Variants in ARID2 observed in about 807,000 individuals in gnomAD.
ARID2 encodes AT-rich interaction domain 2, also known as AT-rich interactive domain-containing protein 2.
In ARID2, 32 loss-of-function variants were observed where a neutral mutation model predicts 184.6. That is an observed-to-expected ratio of 0.17 (90% CI 0.13 to 0.23). The LOEUF is 0.23. ARID2 is among the 10% of genes least tolerant of loss of function. The probability of loss-of-function intolerance (pLI) is 1.00; values close to 1 mark genes in which losing one functional copy is unlikely to be tolerated. For synonymous variants in ARID2, 836 were observed against 772.6 expected (o/e 1.08, Z -1.36); for missense variants, 1,696 against 2,197.6 (o/e 0.77, Z 4.56).
At chr12:45,892,580 A>AT (rs1401097328) in intron 18 of ARID2, among the ~76,000 whole-genome samples, 1 of 152,190 alleles carries the variant, frequency 6.6e-6, no homozygotes, top group African/African-American at 2.4e-5. Context: ...GCTTAAAATA[A>AT]TTTAATATTC....
chr12:45,748,420 A>G (rs964329878), intron 3 of ARID2, among the ~76,000 whole-genome samples: 4 of 152,176 alleles, frequency 2.6e-5, no homozygotes, highest in African/African-American at 4.8e-5. Flanking sequence ...AAAATACTTT[A>G]TTGCTGAAAA....
intron 3 of ARID2, among the ~76,000 whole-genome samples, chr12:45,799,787 A>G (rs965537417): frequency 6.6e-6 from 1 of 152,230 alleles, no homozygotes; most frequent in African/African-American, 2.4e-5. Context: ...GAAAGAACAA[A>G]GCAACACATT....
At chr12:45,809,244 G>T (rs1029283938) in intron 3 of ARID2, among the ~76,000 whole-genome samples, 1 of 152,124 alleles carries the variant, frequency 6.6e-6, no homozygotes, top group Non-Finnish European at 1.5e-5. Flanking sequence ...AATTCTAAAA[G>T]ATTGTACTAT....
chr12:45,763,223 C>A (rs1385026406), intron 3 of ARID2, among the ~76,000 whole-genome samples: 1 of 152,188 alleles, frequency 6.6e-6, no homozygotes, highest in Non-Finnish European at 1.5e-5. Flanking sequence ...GTAATCCCAG[C>A]ACTTTGGGAG....
chr12:45,828,686 G>A lies in ARID2; in HGVS notation c.705+7199G>A, dbSNP rs188740890. Among the ~76,000 whole-genome samples, 265 of 151,994 alleles carry A rather than the reference G, an allele frequency of 1.7e-3. 2 individuals carry two copies. Among genetic ancestry groups the A allele is most frequent in the African/African-American group, 6.0e-3 (248 of 41,508 alleles). Reference sequence around the variant, plus strand: ...TGAGTGTGCATTGTTACTGTAGCTTGGTTTTAATTTACATTTTTTCTTGTT... The same window carrying A: ...TGAGTGTGCATTGTTACTGTAGCTTAGTTTTAATTTACATTTTTTCTTGTT... On this transcript the variant is annotated intron_variant, in intron 6 of 20. Transcript: ENST00000334344.
intron 3 of ARID2, among the ~76,000 whole-genome samples, chr12:45,778,945 A>C (rs1250259752): frequency 2.6e-5 from 4 of 152,026 alleles, no homozygotes; most frequent in Non-Finnish European, 4.4e-5. Context: ...TTAAAAAATA[A>C]ATTTTTAAAA....
Position 45,888,845 on chromosome 12 carries a change from T to C in ARID2, c.4923-2935T>C, listed in dbSNP as rs1944241365. On this transcript the variant is annotated intron_variant, in intron 16 of 20. Coordinates refer to ENST00000334344, the MANE Select transcript of ARID2 (RefSeq NM_152641.4). Reference sequence around the variant, plus strand: ...ATATGTGGTATATTTATTACAACAATTTTTCAGCACAAGGCAATAAAGTAT... The same window carrying C: ...ATATGTGGTATATTTATTACAACAACTTTTCAGCACAAGGCAATAAAGTAT... Among the ~76,000 whole-genome samples the C allele has an allele frequency of 2.0e-5, 3 of 152,160 alleles. No individual in the cohort carries two copies. In the South Asian group the frequency reaches 6.2e-4, roughly 32 times the overall value.
chr12:45,861,675 C>T (rs938345714), intron 16 of ARID2, among the ~76,000 whole-genome samples: 1 of 151,060 alleles, frequency 6.6e-6, no homozygotes, highest in Non-Finnish European at 1.5e-5. Flanking sequence ...ACCTCCACCT[C>T]CTAGGTTCAA....
intron 20 of ARID2, among the ~76,000 whole-genome samples, chr12:45,894,945 G>A (rs1293633714): frequency 6.6e-6 from 1 of 152,010 alleles, no homozygotes; most frequent in Non-Finnish European, 1.5e-5. Context: ...TTGTTCCAAT[G>A]CTCATACTAT....
intron 3 of ARID2, among the ~76,000 whole-genome samples, chr12:45,796,444 A>G (rs181471136): frequency 8.1e-4 from 124 of 152,294 alleles, no homozygotes; most frequent in African/African-American, 2.9e-3. Context: ...CTTTGAAACT[A>G]TATGTCATCT....
intron 3 of ARID2, among the ~76,000 whole-genome samples, chr12:45,770,943 G>A (rs1218310037): frequency 2.6e-5 from 4 of 151,982 alleles, no homozygotes; most frequent in Non-Finnish European, 5.9e-5. Flanking sequence ...TTTCACCAGG[G>A]AACCATCCCT....
intron 3 of ARID2, among the ~76,000 whole-genome samples, chr12:45,745,912 A>C (rs759766159): frequency 6.6e-6 from 1 of 152,134 alleles, no homozygotes. Context: ...TTTTACTGCA[A>C]ATATTCTTTA....
At chr12:45,884,570 T>C (rs1310791061) in intron 16 of ARID2, among the ~76,000 whole-genome samples, 2 of 152,202 alleles carry the variant, frequency 1.3e-5, no homozygotes, top group Non-Finnish European at 2.9e-5. Context: ...CTTTTATATT[T>C]TACTATGTAA....
intron 3 of ARID2, among the ~76,000 whole-genome samples, chr12:45,767,807 T>C (rs894210841): frequency 6.6e-6 from 1 of 152,188 alleles, no homozygotes; most frequent in Middle Eastern, 3.2e-3. Flanking sequence ...CTGGTAGTTA[T>C]CTCTGATTGT....
At chr12:45,739,498 G>A (rs1941206776) in intron 3 of ARID2, among the ~76,000 whole-genome samples, 1 of 133,580 alleles carries the variant, frequency 7.5e-6, no homozygotes, top group Non-Finnish European at 1.5e-5. Flanking sequence ...AGGCTGGAGT[G>A]CAGAAAGTTA....
In ARID2 at chr12:45,904,993, C is replaced by G. The variant is rs1592151545; in HGVS notation, c.5423C>G (p.Ser1808Cys). The part of the protein sequence containing the change: ...SVLAISNMEA[S>C]STLAKCLYEL... Reference sequence around the variant, plus strand: ...CTAGCCATTAGTAACATGGAAGCTTCCTCCACCCTTGCCAAATGCCTTTAT... The same window carrying G: ...CTAGCCATTAGTAACATGGAAGCTTGCTCCACCCTTGCCAAATGCCTTTAT... The change falls in exon 21 of 21, where the codon TCC becomes TGC. Residue 1808 changes from serine (S) to cysteine (C), a missense_variant. By Grantham distance (112) the Ser-to-Cys change is moderately radical. Around this residue, in one of 11 missense-constraint regions of ARID2, gnomAD observed 69 missense variants for 118.2 expected, o/e 0.58. Transcript: ENST00000334344. 25 of 1,613,864 alleles carry G rather than the reference C, an allele frequency of 1.5e-5. No homozygotes were observed. The East Asian group carries it at 5.6e-4, about 36-fold the overall frequency.
chr12:45,858,119 G>A (rs1373840283), intron 15 of ARID2, among the ~76,000 whole-genome samples: 1 of 152,120 alleles, frequency 6.6e-6, no homozygotes, highest in Non-Finnish European at 1.5e-5. Flanking sequence ...TCCTTACAAG[G>A]TTTTGAAAGT....
At chr12:45,804,267 AT>A (rs553965673) in intron 3 of ARID2, among the ~76,000 whole-genome samples, 1 of 151,994 alleles carries the variant, frequency 6.6e-6, no homozygotes, top group African/African-American at 2.4e-5. Context: ...CATTAATTAA[AT>A]TTTTTTTCCA....
At chr12:45,736,835 G>A (rs1486517355) in intron 3 of ARID2, among the ~76,000 whole-genome samples, 1 of 152,204 alleles carries the variant, frequency 6.6e-6, no homozygotes, top group East Asian at 1.9e-4. Context: ...TTGCTAATGT[G>A]TATTGTGGAT....
Sources: gnomAD v4.1 joint callset for allele counts (sites outside exome capture counted in the v4.1 genomes callset) on GRCh38, gnomAD v4.1.1 for gene constraint, gnomAD v4.1.1 regional missense constraint, MANE v1.5 for transcripts, NCBI Gene and HGNC (gene_info 2026-07-23, HGNC 2026-07-21) for gene names.